Variants in MICAL2 observed in about 807,000 individuals in gnomAD.
MICAL2 encodes microtubule associated monooxygenase, calponin and LIM domain containing 2.
In MICAL2, 77 loss-of-function variants were observed where a neutral mutation model predicts 127.3. The ratio of observed to expected loss-of-function variants is 0.60; its 90% CI spans 0.50 to 0.73. The LOEUF (loss-of-function observed/expected upper bound fraction) is 0.73, where lower values mean the gene tolerates loss of function less well. Ranked by LOEUF, MICAL2 falls within the 30% of genes least tolerant of loss-of-function variation. The pLI is 0.00. For missense variants in MICAL2, 1,351 were observed against 1,434.4 expected, an observed-to-expected ratio of 0.94 and a Z score of 0.94; for synonymous variants, 570 against 551.1, an observed-to-expected ratio of 1.03 and a Z score of -0.48.
chr11:12,167,284 C>A (rs111452664), intron 3 of MICAL2, among the ~76,000 whole-genome samples: 5 of 152,168 alleles, frequency 3.3e-5, no homozygotes, highest in African/African-American at 1.2e-4. Context: ...CTTGCGTTAT[C>A]TTTTTAGAAG....
At chr11:12,145,368 A>G (rs1852787053) in intron 2 of MICAL2, among the ~76,000 whole-genome samples, 1 of 152,202 alleles carries the variant, frequency 6.6e-6, no homozygotes, top group Non-Finnish European at 1.5e-5. Context: ...AAGACAGATG[A>G]TGTTTAATCC....
At chr11:12,241,648 C>T (rs749258200) in intron 18 of MICAL2, among the ~76,000 whole-genome samples, 1 of 152,180 alleles carries the variant, frequency 6.6e-6, no homozygotes, top group Non-Finnish European at 1.5e-5. Context: ...CTGGCAGTCA[C>T]GGAGTATGGC....
chr11:12,128,008 C>G (rs1851091804), intron 1 of MICAL2, among the ~76,000 whole-genome samples: 1 of 152,156 alleles, frequency 6.6e-6, no homozygotes, highest in African/African-American at 2.4e-5. Context: ...ATAATAAGTG[C>G]CTAAAAATAT....
chr11:12,133,607 G>A (rs1021545037), intron 1 of MICAL2, among the ~76,000 whole-genome samples: 1 of 151,528 alleles, frequency 6.6e-6, no homozygotes, highest in Non-Finnish European at 1.5e-5. Context: ...AATCTCTTGG[G>A]ACAGGTGACT....
At chr11:12,237,787 A>G (rs1346260780) in intron 16 of MICAL2, among the ~76,000 whole-genome samples, 1 of 152,236 alleles carries the variant, frequency 6.6e-6, no homozygotes, top group Non-Finnish European at 1.5e-5. Context: ...TTAGAAGTAC[A>G]GGCTTTCAGG....
At chr11:12,361,408 G>T (rs1939202493), downstream of MICAL2, among the ~76,000 whole-genome samples, 1 of 152,076 alleles carries the variant, frequency 6.6e-6, no homozygotes, top group African/African-American at 2.4e-5. Context: ...CAAGAAATAG[G>T]TACCATCCCC....
At chr11:12,193,790 G>A (rs1328882814) in intron 3 of MICAL2, among the ~76,000 whole-genome samples, 1 of 152,208 alleles carries the variant, frequency 6.6e-6, no homozygotes, top group Non-Finnish European at 1.5e-5. Flanking sequence ...GTGACCTTGA[G>A]CATGCTACTT....
intron 3 of MICAL2, among the ~76,000 whole-genome samples, chr11:12,192,478 G>T (rs966304311): frequency 2.6e-5 from 4 of 152,178 alleles, no homozygotes; most frequent in African/African-American, 9.7e-5. Context: ...TCACTTAAAC[G>T]ATTTCTCCTC....
intron 21 of MICAL2, among the ~76,000 whole-genome samples, chr11:12,244,670 G>A (rs935154877): frequency 6.6e-6 from 1 of 152,180 alleles, no homozygotes; most frequent in Non-Finnish European, 1.5e-5. Flanking sequence ...GAGTGTTGAA[G>A]GTTCCATGGG....
At position 12,222,647 on chromosome 11, in the gene MICAL2, A is replaced by G. The variant is rs1465408123; in HGVS notation, c.1353A>G (p.Thr451=). 1 of 1,614,250 alleles carries G rather than the reference A, an allele frequency of 6.2e-7. No individual in the cohort carries two copies. The highest frequency in any genetic ancestry group is 2.2e-5 in the East Asian group (1 of 44,880). ...RESLYRLLPQ[T]TPENINKNFE... is the part of the protein sequence containing the mutation. ...GTCTCTACCGGCTGTTACCTCAGAC[A>G]ACCCCGGAGAACATCAACAAGAACT... Residue 451 remains threonine (T), a synonymous_variant, in exon 11 of 28, where the codon ACA becomes ACG. Transcript: ENST00000683283.
At chr11:12,335,760 T>C (rs966611200) in intron 32 of MICAL2, among the ~76,000 whole-genome samples, 1 of 152,182 alleles carries the variant, frequency 6.6e-6, no homozygotes, top group Non-Finnish European at 1.5e-5. Flanking sequence ...GATCAGATAG[T>C]TGTAGATATG....
intron 3 of MICAL2, among the ~76,000 whole-genome samples, chr11:12,182,847 C>G (rs887191374): frequency 6.6e-6 from 1 of 152,170 alleles, no homozygotes; most frequent in Non-Finnish European, 1.5e-5. Context: ...GTAGGCCGAT[C>G]CTCTGCTCAC....
intron 26 of MICAL2, 152 bp from the exon 27 acceptor site, chr11:12,262,328 C>G: frequency 6.7e-7 from 1 of 1,495,878 alleles, no homozygotes; most frequent in Non-Finnish European, 8.9e-7. Flanking sequence ...AAGCAAACAG[C>G]GACTCTTTCA....
Position 12,242,728 on chromosome 11 carries a change from G to T in MICAL2, c.2614G>T (p.Ala872Ser), listed in dbSNP as rs775623380. 1 of 1,611,908 alleles carries T rather than the reference G, an allele frequency of 6.2e-7. No homozygotes were observed. Among genetic ancestry groups the T allele is most frequent in the South Asian group, 1.1e-5 (1 of 90,718 alleles). Residue 872 changes from alanine (A) to serine (S), a missense_variant, in exon 20 of 28, where the codon GCG becomes TCG. By Grantham distance (99) the Ala-to-Ser change is moderately conservative. Coordinates refer to ENST00000683283, the MANE Select transcript of MICAL2 (RefSeq NM_001282663.2). ...TCACACAAAGAACATTAAGGAGAAG[G>T]CGGCTCACCTTGCCTCCATGTTTGG... ...EFHTKNIKEK[A>S]AHLASMFGHG...
intron 29 of MICAL2, among the ~76,000 whole-genome samples, chr11:12,312,759 A>T (rs1399139180): frequency 6.6e-6 from 1 of 152,220 alleles, no homozygotes; most frequent in Non-Finnish European, 1.5e-5. Context: ...ATCTTATGCT[A>T]ATAGACTGGG....
chr11:12,293,579 C>T, downstream of MICAL2: 1 of 1,612,458 alleles, frequency 6.2e-7, no homozygotes, highest in Non-Finnish European at 8.5e-7. Context: ...TTCTGAGCCC[C>T]TCTCGCAAGT....
At chr11:12,238,397 G>GCTACTTT (rs1859389168) in intron 16 of MICAL2, among the ~76,000 whole-genome samples, 1 of 152,196 alleles carries the variant, frequency 6.6e-6, no homozygotes, top group Non-Finnish European at 1.5e-5. Flanking sequence ...ATAACCGAAT[G>GCTACTTT]ATCAAGGTCT....
chr11:12,253,780 TC>T, intron 22 of MICAL2: 1 of 152,400 alleles, frequency 6.6e-6, no homozygotes, highest in East Asian at 1.9e-4. Flanking sequence ...CTCTGCCGTC[TC>T]TGGGGCACTG....
chr11:12,294,167 G>C (rs764641502), downstream of MICAL2: 1 of 1,614,032 alleles, frequency 6.2e-7, no homozygotes, highest in Non-Finnish European at 8.5e-7. Flanking sequence ...CCAGAGAGGG[G>C]CCCAGGAGAA....
Sources: allele counts gnomAD v4.1 joint callset (sites outside exome capture counted in the v4.1 genomes callset), GRCh38; gene constraint gnomAD v4.1.1; transcripts MANE v1.5; gene names NCBI Gene and HGNC (gene_info 2026-07-23, HGNC 2026-07-21).